The following GDF5 variants were observed in gnomAD, a reference collection of about 807,000 sequenced individuals.
GDF5 encodes the protein growth differentiation factor 5, also known as growth/differentiation factor 5.
A neutral mutation model predicts 34.6 loss-of-function variants in GDF5; 17 were observed. The ratio of observed to expected loss-of-function variants is 0.49; its 90% CI spans 0.34 to 0.74. The LOEUF (loss-of-function observed/expected upper bound fraction) is 0.74. Ranked by LOEUF, GDF5 falls within the 30% of genes least tolerant of loss-of-function variation. GDF5 has a pLI of 0.01. For missense variants in GDF5, 616 were observed against 661.2 expected, an observed-to-expected ratio of 0.93 and a Z score of 0.75; for synonymous variants, 332 against 290.7, an observed-to-expected ratio of 1.14 and a Z score of -1.44.
upstream of GDF5, among the ~76,000 whole-genome samples, chr20:35,439,591 T>C (rs1246761388): frequency 6.6e-6 from 1 of 152,078 alleles, no homozygotes; most frequent in Non-Finnish European, 1.5e-5. Flanking sequence ...AACTCAAGGG[T>C]TTCTTAAAGT....
At position 35,437,963 on chromosome 20, in the gene GDF5, C is replaced by T; in HGVS notation, c.-35G>A. On this transcript the variant is annotated 5_prime_UTR_variant, in exon 1 of 2. Coordinates refer to ENST00000374369, the MANE Select transcript of GDF5 (RefSeq NM_000557.5). ...AGCCGCTGAATGACACCAAAGAGAA[C>T]AGCGGCAGCAGCGAAGGTGCCTCTG... 1 of 1,610,864 alleles carries T rather than the reference C, an allele frequency of 6.2e-7. No individual in the cohort carries two copies. The highest frequency in any genetic ancestry group is 8.5e-7 in the Non-Finnish European group (1 of 1,178,164).
intron 1 of GDF5, among the ~76,000 whole-genome samples, chr20:35,448,942 C>G (rs1203023197): frequency 6.6e-6 from 1 of 152,134 alleles, no homozygotes; most frequent in Admixed American, 6.5e-5. Flanking sequence ...CCTACTGAGG[C>G]GGGGTCAGGA....
chr20:35,449,302 G>T (rs975296288), intron 1 of GDF5, among the ~76,000 whole-genome samples: 3 of 151,460 alleles, frequency 2.0e-5, no homozygotes, highest in African/African-American at 7.3e-5. Context: ...TTGAGACAGG[G>T]TCTTGCTGTG....
chr20:35,446,133 C>T (rs941767109), intron 1 of GDF5, among the ~76,000 whole-genome samples: 1 of 151,836 alleles, frequency 6.6e-6, no homozygotes, highest in Non-Finnish European at 1.5e-5. Context: ...CATGGTGAAA[C>T]CCCGTCTCTA....
chr20:35,445,365 A>G (rs779096590), intron 1 of GDF5, among the ~76,000 whole-genome samples: 4 of 151,192 alleles, frequency 2.6e-5, no homozygotes, highest in African/African-American at 9.7e-5. Flanking sequence ...ACCTGTCTCT[A>G]TAAAAATAAA....
At chr20:35,444,004 G>A (rs906444126) in intron 1 of GDF5, among the ~76,000 whole-genome samples, 10 of 152,112 alleles carry the variant, frequency 6.6e-5, no homozygotes, top group Non-Finnish European at 4.4e-5. Context: ...GAGAACAGGC[G>A]CTGGGACCAG....
upstream of GDF5, among the ~76,000 whole-genome samples, chr20:35,440,535 A>T (rs2062494490): frequency 2.0e-5 from 3 of 151,864 alleles, no homozygotes; most frequent in Admixed American, 1.3e-4. Flanking sequence ...GCTACCCATC[A>T]AACAAGTGCC....
intron 1 of GDF5, among the ~76,000 whole-genome samples, chr20:35,447,444 A>AT (rs1250710858): frequency 1.3e-5 from 2 of 152,212 alleles, no homozygotes; most frequent in Admixed American, 6.5e-5. Context: ...CCTTCTGTCC[A>AT]TAAGTCAATC....
chr20:35,444,047 A>G (rs1198124584), intron 1 of GDF5, among the ~76,000 whole-genome samples: 1 of 152,046 alleles, frequency 6.6e-6, no homozygotes, highest in East Asian at 1.9e-4. Flanking sequence ...CCATTTGCCA[A>G]TTGGGTGATG....
At chr20:35,450,911 A>T (rs1352892300) in intron 1 of GDF5, among the ~76,000 whole-genome samples, 1 of 151,532 alleles carries the variant, frequency 6.6e-6, no homozygotes, top group Non-Finnish European at 1.5e-5. Context: ...ATGTCCTCTT[A>T]ATCTTCCCCA....
At chr20:35,434,885 C>T in intron 1 of GDF5, 102 bp from the exon 2 acceptor site, 1 of 1,198,526 alleles carries the variant, frequency 8.3e-7, no homozygotes, top group Non-Finnish European at 1.2e-6. Context: ...GTCCAGAGAG[C>T]TTTCTTTCAC....
Position 35,433,701 on chromosome 20 carries a change from G to T in GDF5, c.*208C>A. 1 of 638,684 alleles carries T rather than the reference G, an allele frequency of 1.6e-6. No homozygotes were observed. Among genetic ancestry groups the T allele is most frequent in the Non-Finnish European group, 2.8e-6 (1 of 351,600 alleles). 39.6% of individuals were successfully genotyped at this position (638,684 alleles called of 1,614,324 possible). ...CTGCCACTGGTCACATCAGCAGACG[G>T]GCAGCAATCCTCAGCCAGGGGAACT... On this transcript the variant is annotated 3_prime_UTR_variant, in exon 2 of 2. Coordinates refer to ENST00000374369, the MANE Select transcript of GDF5 (RefSeq NM_000557.5).
chr20:35,445,601 T>G lies in GDF5; in HGVS notation c.-397-4214A>C, dbSNP rs1601080161. ...ATCATTTGAACCCAGGAAGCGGAGG[T>G]TGCAGTGAGCTGAGATAGCACCATT... On this transcript the variant is annotated intron_variant, in intron 1 of 3. Coordinates refer to the GDF5 transcript ENST00000374372. Among the ~76,000 whole-genome samples, 5 of 151,288 alleles carry G rather than the reference T, an allele frequency of 3.3e-5. No individual in the cohort carries two copies. The South Asian group carries it at 1.0e-3, about 32-fold the overall frequency.
intron 1 of GDF5, chr20:35,453,936 G>T: frequency 1.9e-6 from 1 of 534,552 alleles, no homozygotes; most frequent in South Asian, 1.4e-5. Flanking sequence ...ACAATCTCAT[G>T]CAGCGCTTCC....
exon 1 of GDF5, chr20:35,454,740 G>A (rs745870689): frequency 6.6e-6 from 1 of 152,362 alleles, no homozygotes; most frequent in Non-Finnish European, 1.5e-5. Context: ...GCTAACCAGT[G>A]GCAGCGAGCC....
In GDF5 at chr20:35,438,006, A is replaced by G. The variant is rs966374627; in HGVS notation, c.-78T>C. The G allele has an allele frequency of 2.6e-6, 4 of 1,551,910 alleles. No individual in the cohort carries two copies. The highest frequency in any genetic ancestry group is 3.5e-6 in the Non-Finnish European group (4 of 1,133,450). ...TGCCTCTGGTTTGGCAGGAAAAACCATGAAAGGAGTGGACTTTCAAAAGCA... is the reference window on the plus strand; with the variant it reads ...TGCCTCTGGTTTGGCAGGAAAAACCGTGAAAGGAGTGGACTTTCAAAAGCA... On this transcript the variant is annotated 5_prime_UTR_variant, in exon 1 of 2. It removes an upstream start codon present in the reference 5' UTR. Coordinates refer to ENST00000374369, the MANE Select transcript of GDF5 (RefSeq NM_000557.5).
chr20:35,435,974 G>A (rs1309825078), intron 1 of GDF5, among the ~76,000 whole-genome samples: 1 of 152,100 alleles, frequency 6.6e-6, no homozygotes, highest in Admixed American at 6.5e-5. Context: ...GTGTGTACGT[G>A]TGTGATTCAG....
chr20:35,442,733 C>T (rs550995873), upstream of GDF5, among the ~76,000 whole-genome samples: 119 of 148,476 alleles, frequency 8.0e-4, no homozygotes, highest in Non-Finnish European at 1.5e-3. Context: ...TTTGTGGAGA[C>T]GGGGGTTTCA....
At chr20:35,446,243 G>A (rs1444205973) in intron 1 of GDF5, among the ~76,000 whole-genome samples, 1 of 151,698 alleles carries the variant, frequency 6.6e-6, no homozygotes, top group Non-Finnish European at 1.5e-5. Flanking sequence ...CCAGGAGGCA[G>A]AGGTTGCAGT....
Sources: allele counts gnomAD v4.1 joint callset (sites outside exome capture counted in the v4.1 genomes callset), GRCh38; gene constraint gnomAD v4.1.1; transcripts MANE v1.5; gene names NCBI Gene and HGNC (gene_info 2026-07-23, HGNC 2026-07-21).